The following GRHL2 variants were observed in gnomAD, a reference collection of about 807,000 sequenced individuals.
GRHL2 encodes grainyhead-like protein 2 homolog.
GRHL2 carries 21 observed loss-of-function variants against 83.8 expected under a neutral mutation model. The ratio of observed to expected loss-of-function variants is 0.25; its 90% CI spans 0.18 to 0.36. GRHL2 has a LOEUF of 0.36. GRHL2 is among the 10% of genes least tolerant of loss of function. The probability of loss-of-function intolerance (pLI) is 1.00; values close to 1 mark genes in which losing one functional copy is unlikely to be tolerated. For missense variants in GRHL2, 623 were observed against 781.8 expected, an observed-to-expected ratio of 0.80 and a Z score of 2.42; for synonymous variants, 280 against 278.9, an observed-to-expected ratio of 1.00 and a Z score of -0.04.
rs3779617 is a variant in GRHL2 at position 101,619,683 on chromosome 8, G to T, written c.1243G>T (p.Val415Phe). The change falls in exon 9 of 16, where the codon GTC becomes TTC. Residue 415 changes from valine (V) to phenylalanine (F), a missense_variant. This residue lies in a region of GRHL2 where 2 missense variants were observed against 17.4 expected (regional missense o/e 0.11). Transcript: ENST00000646743. ...PIHRAYCQIK[V>F]FCDKGAERKI... ...TCATAGAGCTTATTGCCAGATCAAGGTCTTCTGTGACAAAGTGAGTAAAGA... is the reference window on the plus strand; with the variant it reads ...TCATAGAGCTTATTGCCAGATCAAGTTCTTCTGTGACAAAGTGAGTAAAGA... The T allele has an allele frequency of 6.2e-7, 1 of 1,612,476 alleles. No homozygotes were observed. Among genetic ancestry groups the T allele is most frequent in the Non-Finnish European group, 8.5e-7 (1 of 1,178,716 alleles).
chr8:101,551,565 C>G (rs1223709826), intron 2 of GRHL2, among the ~76,000 whole-genome samples: 1 of 151,580 alleles, frequency 6.6e-6, no homozygotes, highest in Non-Finnish European at 1.5e-5. Context: ...AAAGCAAAGG[C>G]TGCTTTTTGG....
Position 101,666,692 on chromosome 8 carries a change from A to G in GRHL2, c.1867A>G (p.Met623Val), listed in dbSNP as rs375747933. 4.4e-6 allele frequency: 7 copies of G among 1,606,126 alleles called. No individual in the cohort carries two copies. In the African/African-American group the frequency reaches 6.7e-5, roughly 15 times the overall value. ...GGTGGAGGGCTTCAAGGTCACGCTCATGGAAATCTAGCCCTGGGTTTGGCA... is the reference window on the plus strand; with the variant it reads ...GGTGGAGGGCTTCAAGGTCACGCTCGTGGAAATCTAGCCCTGGGTTTGGCA... ...SMVEGFKVTL[M>V]EI is the part of the protein sequence containing the mutation. The change falls in exon 16 of 16, where the codon ATG becomes GTG. Residue 623 changes from methionine to valine, a missense_variant. Physicochemically the swap from Met to Val is conservative, Grantham distance 21 (BLOSUM62 1). This residue lies in a region of GRHL2 where 210 missense variants were observed against 254.8 expected (regional missense o/e 0.82). Transcript: ENST00000646743.
intron 7 of GRHL2, among the ~76,000 whole-genome samples, chr8:101,595,484 A>G (rs889052163): frequency 1.3e-5 from 2 of 152,174 alleles, no homozygotes; most frequent in African/African-American, 2.4e-5. Context: ...TTAAATGTGT[A>G]TTTAAAACTT....
chr8:101,669,426 C>A lies in GRHL2; in HGVS notation c.*2723C>A, dbSNP rs562557523. ...TCTAAAAGAGTAAGGCATGTCCCTG[C>A]CCAGAAACTTAGGAAGCATGAAATA... is the stretch of plus-strand genomic sequence containing the variant. On this transcript the variant is annotated 3_prime_UTR_variant, in exon 16 of 16. Transcript: ENST00000646743. 2 of 152,274 alleles carry A rather than the reference C, an allele frequency of 1.3e-5. No homozygotes were observed. The highest frequency in any genetic ancestry group is 4.8e-5 in the African/African-American group (2 of 41,476). The allele number at this position is 152,274 out of a possible 1,614,324, so 9.4% of individuals were successfully genotyped here. A position where few individuals can be genotyped will look rare whatever the true frequency, so the allele number is the denominator to read the frequency against.
chr8:101,584,392 C>T (rs759817575), intron 7 of GRHL2, among the ~76,000 whole-genome samples: 15 of 152,046 alleles, frequency 9.9e-5, no homozygotes, highest in Non-Finnish European at 1.6e-4. Flanking sequence ...GAAATCAAAG[C>T]ATTTCTTCAC....
intron 9 of GRHL2, among the ~76,000 whole-genome samples, chr8:101,623,282 A>G (rs1393459424): frequency 6.6e-6 from 1 of 152,284 alleles, no homozygotes; most frequent in Non-Finnish European, 1.5e-5. Flanking sequence ...AGCAATCAAT[A>G]GGACAGTTTC....
intron 3 of GRHL2, among the ~76,000 whole-genome samples, chr8:101,557,473 C>T (rs1028414411): frequency 6.6e-6 from 1 of 152,106 alleles, no homozygotes; most frequent in Non-Finnish European, 1.5e-5. Flanking sequence ...ATTCGCCTGC[C>T]TTGGGCTCCC....
intron 4 of GRHL2, among the ~76,000 whole-genome samples, chr8:101,561,620 A>G (rs1811609971): frequency 6.6e-6 from 1 of 152,224 alleles, no homozygotes; most frequent in African/African-American, 2.4e-5. Flanking sequence ...CTTCTATAAC[A>G]TTAATAAAGG....
chr8:101,498,406 C>T (rs1347590353), intron 1 of GRHL2, among the ~76,000 whole-genome samples: 3 of 152,182 alleles, frequency 2.0e-5, no homozygotes, highest in Non-Finnish European at 4.4e-5. Context: ...AGGCATGAGC[C>T]GCCATGCTTG....
intron 14 of GRHL2, among the ~76,000 whole-genome samples, chr8:101,652,438 G>GGTGTGTGTGGTGTGTGTGTGGT (rs762539143): frequency 1.5e-5 from 1 of 65,352 alleles, no homozygotes; most frequent in African/African-American, 9.8e-5. Context: ...GTGTGTGTCT[G>GGTGTGTGTGGTGTGTGTGTGGT]GTGTGTGTGG....
intron 6 of GRHL2, 150 bp from the exon 7 acceptor site, chr8:101,577,258 A>T (rs1212615608): frequency 1.5e-6 from 1 of 679,770 alleles, no homozygotes; most frequent in Non-Finnish European, 2.7e-6. Context: ...TTATAACAAA[A>T]CGGACCATAC....
intron 1 of GRHL2, among the ~76,000 whole-genome samples, chr8:101,516,558 C>T (rs1810577192): frequency 6.6e-6 from 1 of 151,986 alleles, no homozygotes; most frequent in African/African-American, 2.4e-5. Flanking sequence ...GCTGGGACTA[C>T]AGGCACATGC....
chr8:101,617,903 C>G (rs547097615), intron 8 of GRHL2, among the ~76,000 whole-genome samples: 1 of 152,180 alleles, frequency 6.6e-6, no homozygotes, highest in African/African-American at 2.4e-5. Flanking sequence ...AGGTCCAAGG[C>G]TTAAAGGTGA....
intron 10 of GRHL2, among the ~76,000 whole-genome samples, 182 bp downstream of exon 10, chr8:101,631,906 T>G (rs997507335): frequency 6.6e-6 from 1 of 152,210 alleles, no homozygotes; most frequent in Non-Finnish European, 1.5e-5. Context: ...TAGAATCACA[T>G]GAGCACAGTG....
chr8:101,537,587 C>G (rs187867105), intron 1 of GRHL2, among the ~76,000 whole-genome samples: 1 of 152,122 alleles, frequency 6.6e-6, no homozygotes, highest in Admixed American at 6.6e-5. Flanking sequence ...CTATAATGCA[C>G]CAAGCACTTC....
chr8:101,627,319 A>C (rs1358021898), intron 9 of GRHL2, among the ~76,000 whole-genome samples: 1 of 152,052 alleles, frequency 6.6e-6, no homozygotes, highest in African/African-American at 2.4e-5. Flanking sequence ...TCAACATTTC[A>C]AACATTTTCA....
intron 8 of GRHL2, among the ~76,000 whole-genome samples, chr8:101,603,197 G>A (rs1586136082): frequency 6.6e-6 from 1 of 152,154 alleles, no homozygotes; most frequent in Admixed American, 6.5e-5. Context: ...CATCTTTGAA[G>A]CTGGCCATAT....
At chr8:101,653,850 T>C (rs932255730) in intron 14 of GRHL2, among the ~76,000 whole-genome samples, 3 of 152,180 alleles carry the variant, frequency 2.0e-5, no homozygotes, top group African/African-American at 7.2e-5. Context: ...ACAAGCTTCC[T>C]GGTTGAATTG....
chr8:101,601,712 C>T lies in GRHL2; in HGVS notation c.1098+2561C>T, dbSNP rs1045080555. 8.6e-5 allele frequency among the ~76,000 whole-genome samples: 13 copies of T among 151,994 alleles called. No individual in the cohort carries two copies. The East Asian group carries it at 2.3e-3, about 27-fold the overall frequency. ...ATATTTTAAGTGATTATTACTTGGT[C>T]GCAGCAATTGTTTGAGGTTTGGGTT... On this transcript the variant is annotated intron_variant, in intron 8 of 15. Transcript: ENST00000646743.
Sources: gnomAD v4.1 joint callset for allele counts (sites outside exome capture counted in the v4.1 genomes callset) on GRCh38, gnomAD v4.1.1 for gene constraint, gnomAD v4.1.1 regional missense constraint, MANE v1.5 for transcripts, NCBI Gene and HGNC (gene_info 2026-07-23, HGNC 2026-07-21) for gene names.